The following ROR1 variants were observed in gnomAD, a reference collection of about 807,000 sequenced individuals.
ROR1 encodes the protein ROR family WNT receptor 1, also known as inactive tyrosine-protein kinase transmembrane receptor ROR1.
In ROR1, 19 loss-of-function variants were observed where a neutral mutation model predicts 78.8. The observed-to-expected ratio is 0.24, with a 90% CI of 0.17 to 0.35. ROR1 has a LOEUF of 0.35. Among genes scored for constraint, ROR1 ranks in the 10% least tolerant of loss-of-function variants. The pLI, the probability that ROR1 is intolerant of heterozygous loss-of-function variation, is 1.00. For missense variants in ROR1, 917 were observed against 1,177.8 expected (o/e 0.78, Z 3.24); for synonymous variants, 386 against 433.6 (o/e 0.89, Z 1.36).
intron 2 of ROR1, among the ~76,000 whole-genome samples, chr1:64,021,512 T>A (rs1432353395): frequency 6.6e-6 from 1 of 152,234 alleles, no homozygotes; most frequent in Admixed American, 6.5e-5. Flanking sequence ...CACCATTTAA[T>A]GTGCCATAAA....
chr1:63,782,541 G>A (rs1015316799), intron 1 of ROR1, among the ~76,000 whole-genome samples: 1 of 140,904 alleles, frequency 7.1e-6, no homozygotes, highest in African/African-American at 2.9e-5. Flanking sequence ...CTGAGATTTT[G>A]AGGTTTTTTT....
chr1:63,909,083 G>A (rs535426510), intron 1 of ROR1, among the ~76,000 whole-genome samples: 1 of 152,262 alleles, frequency 6.6e-6, no homozygotes, highest in Admixed American at 6.5e-5. Context: ...TTGTGAAGTT[G>A]TGACAGCTTA....
chr1:63,867,303 G>A (rs141866047), intron 1 of ROR1, among the ~76,000 whole-genome samples: 92 of 152,232 alleles, frequency 6.0e-4, no homozygotes, highest in African/African-American at 2.1e-3. Flanking sequence ...AAAACAAAGC[G>A]CTCACGGAGG....
At chr1:63,925,871 T>C (rs1206510238) in intron 1 of ROR1, among the ~76,000 whole-genome samples, 28 of 151,540 alleles carry the variant, frequency 1.8e-4, no homozygotes, top group Admixed American at 1.8e-3. Flanking sequence ...GTTTGTTTTT[T>C]TCTTGTAAAT....
At chr1:63,968,529 C>G (rs1341949520) in intron 1 of ROR1, among the ~76,000 whole-genome samples, 1 of 151,836 alleles carries the variant, frequency 6.6e-6, no homozygotes, top group Non-Finnish European at 1.5e-5. Context: ...AAAGTTCAAA[C>G]CTCATCTGAA....
chr1:64,063,407 A>C (rs1646932489), intron 4 of ROR1, among the ~76,000 whole-genome samples: 1 of 152,310 alleles, frequency 6.6e-6, no homozygotes, highest in South Asian at 2.1e-4. Flanking sequence ...CCTTCAGCCC[A>C]AAATAGTGAA....
chr1:63,925,842 C>G (rs1645698470), intron 1 of ROR1, among the ~76,000 whole-genome samples: 1 of 151,566 alleles, frequency 6.6e-6, no homozygotes, highest in Non-Finnish European at 1.5e-5. Flanking sequence ...ATGTCCATCG[C>G]CCACTTTTTG....
chr1:64,036,179 A>T (rs1221399125), intron 2 of ROR1, among the ~76,000 whole-genome samples: 4 of 151,978 alleles, frequency 2.6e-5, no homozygotes, highest in Non-Finnish European at 5.9e-5. Context: ...CACAGCTAGG[A>T]CTCGATCCCT....
intron 4 of ROR1, among the ~76,000 whole-genome samples, chr1:64,083,598 A>G (rs1368625078): frequency 6.6e-6 from 1 of 150,418 alleles, no homozygotes; most frequent in Non-Finnish European, 1.5e-5. Context: ...AGAGAGAGAA[A>G]AAAAAAAAAA....
chr1:64,141,865 C>T (rs551405904), intron 6 of ROR1, among the ~76,000 whole-genome samples: 3 of 152,168 alleles, frequency 2.0e-5, no homozygotes, highest in South Asian at 4.2e-4. Flanking sequence ...CCTCTGGCCA[C>T]GTGCGAGGTC....
At chr1:64,083,581 TAGAG>T (rs782697527) in intron 4 of ROR1, among the ~76,000 whole-genome samples, 1 of 139,130 alleles carries the variant, frequency 7.2e-6, no homozygotes, top group Admixed American at 7.2e-5. Flanking sequence ...TTAAAGGTGC[TAGAG>T]AGAGAGAGAG....
At chr1:64,085,430 T>C (rs1445465621) in intron 4 of ROR1, among the ~76,000 whole-genome samples, 1 of 152,182 alleles carries the variant, frequency 6.6e-6, no homozygotes, top group Admixed American at 6.5e-5. Context: ...TTCGTTGTTA[T>C]AAGCAAGTGT....
intron 1 of ROR1, among the ~76,000 whole-genome samples, chr1:63,989,731 C>T (rs557922110): frequency 1.3e-5 from 2 of 152,202 alleles, no homozygotes; most frequent in Admixed American, 1.3e-4. Flanking sequence ...GATCTCTCAT[C>T]ATGTATATCA....
intron 1 of ROR1, among the ~76,000 whole-genome samples, chr1:63,949,823 C>T (rs889925135): frequency 4.6e-5 from 7 of 152,108 alleles, no homozygotes; most frequent in South Asian, 2.1e-4. Context: ...CCCTGTCCAG[C>T]CAGTGCCCTA....
chr1:64,067,085 C>T (rs533391460), intron 4 of ROR1, among the ~76,000 whole-genome samples: 22 of 152,170 alleles, frequency 1.4e-4, no homozygotes, highest in African/African-American at 3.9e-4. Flanking sequence ...CGCAGTGGCT[C>T]ACGCCTGTTA....
chr1:63,786,179 A>G (rs145124057), intron 1 of ROR1, among the ~76,000 whole-genome samples: 43 of 148,320 alleles, frequency 2.9e-4, no homozygotes, highest in African/African-American at 8.6e-4. Flanking sequence ...CTTAACACTG[A>G]TTAGTCTTCC....
intron 1 of ROR1, among the ~76,000 whole-genome samples, chr1:63,944,497 A>G (rs1451557473): frequency 6.6e-6 from 1 of 152,238 alleles, no homozygotes; most frequent in Non-Finnish European, 1.5e-5. Context: ...CCTTGGAGAC[A>G]GGCAAACTAG....
intron 4 of ROR1, among the ~76,000 whole-genome samples, chr1:64,119,774 T>C (rs1308516915): frequency 6.6e-6 from 1 of 151,606 alleles, no homozygotes; most frequent in African/African-American, 2.4e-5. Context: ...TAGGTGATAA[T>C]ATCCTGACTT....
intron 1 of ROR1, among the ~76,000 whole-genome samples, chr1:63,970,846 G>A (rs1329952784): frequency 6.6e-6 from 1 of 152,224 alleles, no homozygotes; most frequent in Non-Finnish European, 1.5e-5. Context: ...TCAGGGCACA[G>A]AGCAGAAGTG....
Sources: gnomAD v4.1 joint callset for allele counts (sites outside exome capture counted in the v4.1 genomes callset) on GRCh38, gnomAD v4.1.1 for gene constraint, MANE v1.5 for transcripts, NCBI Gene and HGNC (gene_info 2026-07-23, HGNC 2026-07-21) for gene names.